The following FASTKD5 variants were observed in gnomAD, a reference collection of about 807,000 sequenced individuals.
FASTKD5 encodes the protein FAST kinase domains 5.
In FASTKD5, 30 loss-of-function variants were observed where a neutral mutation model predicts 44.0. The observed-to-expected ratio is 0.68, with a 90% CI of 0.51 to 0.93. The LOEUF (loss-of-function observed/expected upper bound fraction) is 0.93, where lower values mean the gene tolerates loss of function less well. Ranked by LOEUF, FASTKD5 falls within the 40% of genes least tolerant of loss-of-function variation. The probability of loss-of-function intolerance (pLI) is 0.00; values close to 1 mark genes in which losing one functional copy is unlikely to be tolerated. For missense variants in FASTKD5, 868 were observed against 908.2 expected, an observed-to-expected ratio of 0.96 and a Z score of 0.57; for synonymous variants, 335 against 342.2, an observed-to-expected ratio of 0.98 and a Z score of 0.23.
chr20:3,152,135 C>G (rs917688549), intron 1 of FASTKD5, among the ~76,000 whole-genome samples: 1 of 136,258 alleles, frequency 7.3e-6, no homozygotes, highest in African/African-American at 2.7e-5. Flanking sequence ...ACCAAAAAAA[C>G]AGAGATAGCA....
rs537606385 is a variant in FASTKD5 at position 3,153,425 on chromosome 20, T to C, written c.-190-4165A>G. Among the ~76,000 whole-genome samples, 112 of 152,344 alleles carry C rather than the reference T, an allele frequency of 7.4e-4. 1 individual carries two copies. The South Asian group carries it at 0.021, about 28-fold the overall frequency. On this transcript the variant is annotated intron_variant, in intron 1 of 1. Transcript: ENST00000380266. ...TCCCATCCTTATAACATCTCTGTAA[T>C]GTAAGTTTATAATCCCCATATTACT...
rs2066674979 is a variant in FASTKD5, at chr20:3,155,525, C to T, written c.-191+4241G>A. On this transcript the variant is annotated intron_variant, in intron 1 of 1. Transcript: ENST00000380266. ...CAGTCTGGGCAACAGAGCGAAACTC[C>T]ATCTCAAAAAAAAAAAGTGGGTCGG... Among the ~76,000 whole-genome samples, 3 of 151,010 alleles carry T rather than the reference C, an allele frequency of 2.0e-5. No homozygotes were observed. The South Asian group carries it at 6.3e-4, about 31-fold the overall frequency.
chr20:3,150,712 C>G (rs1161504078), intron 1 of FASTKD5: 1 of 152,186 alleles, frequency 6.6e-6, no homozygotes, highest in African/African-American at 2.4e-5. Context: ...AGCACATCAT[C>G]ATTTAGTTCA....
chr20:3,152,796 C>T (rs2148625590), intron 1 of FASTKD5, among the ~76,000 whole-genome samples: 1 of 151,826 alleles, frequency 6.6e-6, no homozygotes, highest in African/African-American at 2.4e-5. Flanking sequence ...ATCCCAGCTA[C>T]TTGAGAGGCT....
chr20:3,159,533 A>C (rs928788712), intron 1 of FASTKD5, among the ~76,000 whole-genome samples: 1 of 152,272 alleles, frequency 6.6e-6, no homozygotes, highest in African/African-American at 2.4e-5. Flanking sequence ...ATCAAGGGTC[A>C]GATAAGCCCC....
intron 1 of FASTKD5, among the ~76,000 whole-genome samples, chr20:3,154,661 G>C (rs1322335964): frequency 7.2e-5 from 11 of 152,052 alleles, no homozygotes; most frequent in Non-Finnish European, 1.3e-4. Flanking sequence ...GTGACAGAGA[G>C]AGACCCTATC....
intron 1 of FASTKD5, among the ~76,000 whole-genome samples, chr20:3,155,906 G>A (rs2066679427): frequency 1.3e-5 from 2 of 152,320 alleles, no homozygotes; most frequent in African/African-American, 4.8e-5. Context: ...TATAGAAACT[G>A]TATCTACATA....
intron 1 of FASTKD5, among the ~76,000 whole-genome samples, chr20:3,155,830 A>G (rs1413219105): frequency 1.3e-5 from 2 of 152,242 alleles, no homozygotes; most frequent in African/African-American, 2.4e-5. Context: ...AGGCATGAAG[A>G]GCCAACCTAC....
intron 1 of FASTKD5, among the ~76,000 whole-genome samples, chr20:3,159,207 A>C (rs553111294): frequency 6.6e-6 from 1 of 152,340 alleles, no homozygotes; most frequent in Non-Finnish European, 1.5e-5. Context: ...AGAAACTGCT[A>C]AAAATGGGGG....
At chr20:3,156,236 C>T (rs925157995) in intron 1 of FASTKD5, among the ~76,000 whole-genome samples, 2 of 144,258 alleles carry the variant, frequency 1.4e-5, no homozygotes, top group African/African-American at 5.2e-5. Context: ...AGTGCAGTGG[C>T]GTGATCTCAG....
In FASTKD5 at chr20:3,149,218, A is replaced by T. The variant is rs1482711673; in HGVS notation, c.-148T>A. The T allele has an allele frequency of 1.3e-6, 1 of 780,266 alleles. No individual in the cohort carries two copies. The highest frequency in any genetic ancestry group is 2.7e-5 in the East Asian group (1 of 37,084). The allele number at this position is 780,266 out of a possible 1,614,324, so 48.3% of individuals were successfully genotyped here. ...CTGGAAATCTTCAGCATATCACAAG[A>T]GCCAGGGATCACAAATGACTGGGTC... On this transcript the variant is annotated 5_prime_UTR_variant, in exon 2 of 2. Coordinates refer to ENST00000380266, the MANE Select transcript of FASTKD5 (RefSeq NM_021826.5). The surrounding 1 kb of genome is among the most constrained non-coding windows in gnomAD (Gnocchi z 4.1).
At position 3,148,657 on chromosome 20, in the gene FASTKD5, G is replaced by A. The variant is rs1409800601; in HGVS notation, c.414C>T (p.Leu138=). 6.2e-7 allele frequency: 1 copy of A among 1,614,038 alleles called. No individual in the cohort carries two copies. Among genetic ancestry groups the A allele is most frequent in the Non-Finnish European group, 8.5e-7 (1 of 1,180,018 alleles). The part of the protein sequence containing the change: ...HSYNASETSQ[L]LSVSEGELIL... ...TTAGTTCACCTTCTGAAACAGACAG[G>A]AGCTGAGAAGTCTCAGATGCATTAT... The change falls in exon 2 of 2, where the codon CTC becomes CTT. Residue 138 remains leucine (L), a synonymous_variant. Transcript: ENST00000380266.
chr20:3,147,717 A>C lies in FASTKD5; in HGVS notation c.1354T>G (p.Ser452Ala). Residue 452 changes from serine (S) to alanine (A), a missense_variant, in exon 2 of 2, where the codon TCC becomes GCC. Ser to Ala is a moderately conservative substitution (Grantham distance 99). Coordinates refer to ENST00000380266, the MANE Select transcript of FASTKD5 (RefSeq NM_021826.5). ...CTGTGAATCTCACTTATCAGGCTGG[A>C]GTAAAATTCTTCTGCATTGGGTGGC... ...YKPPNAEEFY[S>A]SLISEIHRKM... 2 of 1,614,232 alleles carry C rather than the reference A, an allele frequency of 1.2e-6. No individual in the cohort carries two copies. Among genetic ancestry groups the C allele is most frequent in the Non-Finnish European group, 1.7e-6 (2 of 1,180,040 alleles).
chr20:3,153,180 A>G (rs1404951031), intron 1 of FASTKD5, among the ~76,000 whole-genome samples: 1 of 152,254 alleles, frequency 6.6e-6, no homozygotes, highest in Non-Finnish European at 1.5e-5. Context: ...ATTCTACCTA[A>G]GAGTACTTAA....
chr20:3,157,978 C>T (rs917565536), intron 1 of FASTKD5, among the ~76,000 whole-genome samples: 1 of 152,024 alleles, frequency 6.6e-6, no homozygotes, highest in Admixed American at 6.6e-5. Context: ...TCACTGCATC[C>T]TCGACCACTG....
intron 1 of FASTKD5, among the ~76,000 whole-genome samples, chr20:3,153,701 C>T (rs532203559): frequency 1.3e-5 from 2 of 152,322 alleles, no homozygotes; most frequent in South Asian, 4.1e-4. Context: ...TTGAAAGTCC[C>T]TTCCACCTCT....
chr20:3,151,220 C>G (rs1367985788), intron 1 of FASTKD5, among the ~76,000 whole-genome samples: 1 of 152,138 alleles, frequency 6.6e-6, no homozygotes, highest in Non-Finnish European at 1.5e-5. Flanking sequence ...GACCATTCTG[C>G]CCACCAAATT....
intron 1 of FASTKD5, among the ~76,000 whole-genome samples, chr20:3,151,220 C>T (rs1367985788): frequency 6.6e-6 from 1 of 152,138 alleles, no homozygotes; most frequent in African/African-American, 2.4e-5. Context: ...GACCATTCTG[C>T]CCACCAAATT....
intron 1 of FASTKD5, among the ~76,000 whole-genome samples, chr20:3,152,803 G>A (rs530149035): frequency 2.5e-4 from 38 of 152,088 alleles, no homozygotes; most frequent in African/African-American, 9.2e-4. Flanking sequence ...CTACTTGAGA[G>A]GCTGAGGCAG....
Sources: gnomAD v4.1 joint callset for allele counts (sites outside exome capture counted in the v4.1 genomes callset) on GRCh38, gnomAD v4.1.1 for gene constraint, Gnocchi (gnomAD v3.1) non-coding constraint, MANE v1.5 for transcripts, NCBI Gene and HGNC (gene_info 2026-07-23, HGNC 2026-07-21) for gene names.